GABRG3: variants seen among roughly 807,000 people sequenced by gnomAD.
GABRG3 encodes the protein gamma-aminobutyric acid type A receptor subunit gamma3.
A neutral mutation model predicts 48.8 loss-of-function variants in GABRG3; 25 were observed. The ratio of observed to expected loss-of-function variants is 0.51; its 90% CI spans 0.37 to 0.72. The LOEUF is 0.72. Among genes scored for constraint, GABRG3 ranks in the 30% least tolerant of loss-of-function variants. The probability of loss-of-function intolerance (pLI) is 0.00; values close to 1 mark genes in which losing one functional copy is unlikely to be tolerated. For synonymous variants in GABRG3, 227 were observed against 217.6 expected, an observed-to-expected ratio of 1.04 and a Z score of -0.38; for missense variants, 394 against 577.9, an observed-to-expected ratio of 0.68 and a Z score of 3.26.
rs1440370949 is a variant in GABRG3, at chr15:27,179,867, G to A, written c.271-146942G>A. 6.6e-6 allele frequency among the ~76,000 whole-genome samples: 1 copy of A among 152,202 alleles called. No homozygotes were observed. The highest frequency in any genetic ancestry group is 1.5e-5 in the Non-Finnish European group (1 of 68,042). On this transcript the variant is annotated intron_variant, in intron 3 of 9. Coordinates refer to ENST00000615808, the MANE Select transcript of GABRG3 (RefSeq NM_033223.5). The surrounding 1 kb of genome is among the most constrained non-coding windows in gnomAD (Gnocchi z 4.0). ...ACAGTGGGGTCCTCTTAGGCCTTGT[G>A]TGCATAAAATAAGCTGAATGTTTGT...
At chr15:27,164,984 A>G (rs1168641087) in intron 3 of GABRG3, among the ~76,000 whole-genome samples, 2 of 152,208 alleles carry the variant, frequency 1.3e-5, no homozygotes, top group Non-Finnish European at 2.9e-5. Flanking sequence ...TCAGTAATCA[A>G]TCTTGGATAA....
At chr15:27,530,265 G>A (rs980906451) in intron 9 of GABRG3, among the ~76,000 whole-genome samples, 19 of 152,164 alleles carry the variant, frequency 1.2e-4, no homozygotes, top group African/African-American at 4.6e-4. Context: ...GAAGCACGGT[G>A]CTCTGGGACA....
intron 5 of GABRG3, among the ~76,000 whole-genome samples, chr15:27,476,133 A>G (rs993017616): frequency 3.3e-5 from 5 of 152,216 alleles, no homozygotes; most frequent in Admixed American, 3.3e-4. Context: ...TAGTCCAGGA[A>G]AGTCACTTAG....
chr15:27,527,963 C>T lies in GABRG3; in HGVS notation c.1093C>T (p.Pro365Ser), dbSNP rs201427468. Reference sequence around the variant, plus strand: ...ACATCCAGATTCCTCAAGATGGATTCCTGAGCGAATAAGCCTACAAGCCCC... The same window carrying T: ...ACATCCAGATTCCTCAAGATGGATTTCTGAGCGAATAAGCCTACAAGCCCC... Reference protein sequence around the residue: ...LLHPDSSRWIPERISLQAPSN... With the variant: ...LLHPDSSRWISERISLQAPSN... The change falls in exon 9 of 10, where the codon CCT becomes TCT. Residue 365 changes from proline to serine, a missense_variant. Pro to Ser is a moderately conservative substitution (Grantham distance 74, BLOSUM62 -1). Coordinates refer to ENST00000615808, the MANE Select transcript of GABRG3 (RefSeq NM_033223.5). 2.1e-4 allele frequency: 334 copies of T among 1,597,194 alleles called. 4 individuals are homozygous for T. In the East Asian group the frequency reaches 6.1e-3, roughly 29 times the overall value.
intron 5 of GABRG3, among the ~76,000 whole-genome samples, chr15:27,392,549 G>A (rs1348239284): frequency 6.6e-6 from 1 of 152,164 alleles, no homozygotes; most frequent in Non-Finnish European, 1.5e-5. Flanking sequence ...CCTGGCTGAG[G>A]TGGTGTCTGC....
chr15:27,040,118 G>A (rs2140697639), intron 3 of GABRG3, among the ~76,000 whole-genome samples: 1 of 152,374 alleles, frequency 6.6e-6, no homozygotes, highest in African/African-American at 2.4e-5. Context: ...GAGAAGGGCT[G>A]GGCCTGTCAG....
chr15:27,492,105 G>A (rs1288529546), intron 6 of GABRG3, among the ~76,000 whole-genome samples: 1 of 152,114 alleles, frequency 6.6e-6, no homozygotes, highest in Admixed American at 6.6e-5. Context: ...GAATTGCACG[G>A]CATTGTGATT....
Position 26,976,893 on chromosome 15 carries a change from G to A in GABRG3, c.54-109G>A, listed in dbSNP as rs1371314573. The A allele has an allele frequency of 3.8e-6, 4 of 1,053,904 alleles. No individual in the cohort carries two copies. The highest frequency in any genetic ancestry group is 1.4e-5 in the South Asian group (1 of 71,302). 65.3% of individuals were successfully genotyped at this position (1,053,904 alleles called of 1,614,324 possible). On this transcript the variant is annotated intron_variant, in intron 1 of 9. Coordinates refer to ENST00000615808, the MANE Select transcript of GABRG3 (RefSeq NM_033223.5). This position sits in a 1 kb window ranked among gnomAD's most constrained non-coding sequence, Gnocchi z 7.8. ...TTTCACGTGTGTGGTTGGGCTGTGG[G>A]TACTGGGGACTTTCTACCCATTTCA...
At chr15:27,185,863 A>C (rs115462705) in intron 3 of GABRG3, among the ~76,000 whole-genome samples, 2,738 of 151,996 alleles carry the variant, frequency 0.018, 88 homozygotes, top group African/African-American at 0.062. Context: ...CTTTTTCTTA[A>C]AATTAATTTT....
intron 3 of GABRG3, among the ~76,000 whole-genome samples, chr15:27,297,761 A>G (rs754264624): frequency 6.6e-6 from 1 of 152,188 alleles, no homozygotes; most frequent in Non-Finnish European, 1.5e-5. Flanking sequence ...AACATAGATT[A>G]TATAAAATAA....
chr15:27,291,169 C>T (rs1333591931), intron 3 of GABRG3, among the ~76,000 whole-genome samples: 2 of 152,130 alleles, frequency 1.3e-5, no homozygotes, highest in Non-Finnish European at 2.9e-5. Context: ...GAATTCTTTG[C>T]CAAGTTGCTT....
chr15:27,264,678 A>C lies in GABRG3; in HGVS notation c.271-62131A>C, dbSNP rs80343242. On this transcript the variant is annotated intron_variant, in intron 3 of 9. Coordinates refer to ENST00000615808, the MANE Select transcript of GABRG3 (RefSeq NM_033223.5). Reference sequence around the variant, plus strand: ...AAAACTACAATCCAAACAACAACAAAAAAGTAAACTCACCACACCTAAGTC... The same window carrying C: ...AAAACTACAATCCAAACAACAACAACAAAGTAAACTCACCACACCTAAGTC... Among the ~76,000 whole-genome samples the C allele has an allele frequency of 5.1e-4, 77 of 152,132 alleles. 2 individuals carry two copies. The East Asian group carries it at 0.014, about 28-fold the overall frequency.
intron 5 of GABRG3, among the ~76,000 whole-genome samples, chr15:27,417,999 A>G (rs1324398331): frequency 2.0e-5 from 3 of 152,186 alleles, no homozygotes; most frequent in African/African-American, 7.2e-5. Context: ...TGAGTGGGAA[A>G]GGTCCATCAC....
At chr15:27,313,262 GTATATATATATATATATATATA>G (rs1169926074) in intron 3 of GABRG3, among the ~76,000 whole-genome samples, 356 of 34,560 alleles carry the variant, frequency 0.01, 11 homozygotes, top group African/African-American at 0.022. Flanking sequence ...GTGTGTGTGT[GTATATATATATATATATATATA>G]TATATATATA....
chr15:27,041,575 TA>T (rs754563833), intron 3 of GABRG3, among the ~76,000 whole-genome samples: 3 of 152,252 alleles, frequency 2.0e-5, no homozygotes, highest in Admixed American at 6.5e-5. Context: ...TCTCACTCAG[TA>T]AATTCTTAAT....
intron 5 of GABRG3, among the ~76,000 whole-genome samples, chr15:27,479,156 T>C (rs1319608541): frequency 6.6e-6 from 1 of 152,048 alleles, no homozygotes; most frequent in Non-Finnish European, 1.5e-5. Context: ...TTGGACACAT[T>C]AAATGTGTGA....
At position 27,025,460 on chromosome 15, in the gene GABRG3, T is replaced by C. The variant is rs574561456; in HGVS notation, c.203-1294T>C. Among the ~76,000 whole-genome samples, 111 of 152,350 alleles carry C rather than the reference T, an allele frequency of 7.3e-4. 6 individuals are homozygous for C. The South Asian group carries it at 0.022, about 30-fold the overall frequency. The stretch of plus-strand genomic sequence containing the variant: ...TCTAAAATGAAGAGTACTCCTTTTA[T>C]GAAACTTAAGCACCATATACATAGT... On this transcript the variant is annotated intron_variant, in intron 2 of 9. Transcript: ENST00000615808.
At chr15:27,346,865 A>G (rs1774739793) in intron 5 of GABRG3, among the ~76,000 whole-genome samples, 1 of 152,182 alleles carries the variant, frequency 6.6e-6, no homozygotes, top group South Asian at 2.1e-4. Context: ...AGAACCCTTG[A>G]CATATTAATC....
chr15:27,226,737 A>G (rs1391102851), intron 3 of GABRG3, among the ~76,000 whole-genome samples: 1 of 152,190 alleles, frequency 6.6e-6, no homozygotes, highest in Non-Finnish European at 1.5e-5. Flanking sequence ...CCTGACCAGC[A>G]GATCCCCCTC....
Sources: allele counts gnomAD v4.1 joint callset (sites outside exome capture counted in the v4.1 genomes callset), GRCh38; gene constraint gnomAD v4.1.1; non-coding constraint Gnocchi (gnomAD v3.1); transcripts MANE v1.5; gene names NCBI Gene and HGNC (gene_info 2026-07-23, HGNC 2026-07-21).